The following ATP10B variants were observed in gnomAD, a reference collection of about 807,000 sequenced individuals.
ATP10B encodes ATPase phospholipid transporting 10B (putative).
ATP10B carries 122 observed loss-of-function variants against 141.2 expected under a neutral mutation model. The ratio of observed to expected loss-of-function variants is 0.86; its 90% confidence interval spans 0.75 to 1.00. The LOEUF (loss-of-function observed/expected upper bound fraction) is 1.00, where lower values mean the gene tolerates loss of function less well. Ranked by LOEUF, ATP10B falls within the 50% of genes least tolerant of loss-of-function variation. The pLI, the probability that ATP10B is intolerant of heterozygous loss-of-function variation, is 0.00. For synonymous variants in ATP10B, 685 were observed against 692.0 expected (o/e 0.99, Z 0.16); for missense variants, 1,876 against 1,825.3 (o/e 1.03, Z -0.51).
chr5:160,568,044 G>C (rs1223664829), intron 25 of ATP10B, among the ~76,000 whole-genome samples: 1 of 152,186 alleles, frequency 6.6e-6, no homozygotes, highest in East Asian at 1.9e-4. Flanking sequence ...CCTGGGGCCT[G>C]CCTTTGTCCC....
chr5:160,766,282 T>C (rs953097244), intron 2 of ATP10B, among the ~76,000 whole-genome samples: 10 of 16,940 alleles, frequency 5.9e-4, no homozygotes, highest in African/African-American at 3.6e-3. Context: ...CAATTTGCAA[T>C]TGCAAAAATA....
At chr5:160,655,738 C>A (rs1761449102) in intron 7 of ATP10B, among the ~76,000 whole-genome samples, 1 of 152,172 alleles carries the variant, frequency 6.6e-6, no homozygotes, top group South Asian at 2.1e-4. Flanking sequence ...CCACATTGGG[C>A]CAGTCTAGTC....
chr5:160,684,027 AT>A (rs1419465779), intron 6 of ATP10B, among the ~76,000 whole-genome samples: 1 of 152,218 alleles, frequency 6.6e-6, no homozygotes, highest in Non-Finnish European at 1.5e-5. Flanking sequence ...CTAGAGTTTA[AT>A]TCTTCAGATT....
chr5:160,818,780 A>G (rs113798797), intron 1 of ATP10B, among the ~76,000 whole-genome samples: 4,380 of 152,346 alleles, frequency 0.029, 180 homozygotes, highest in East Asian at 0.17. Flanking sequence ...CTGGATTAAG[A>G]AAATGTGGCA....
At chr5:160,765,056 C>T (rs11953919) in intron 2 of ATP10B, among the ~76,000 whole-genome samples, 39,007 of 152,036 alleles carry the variant, frequency 0.26, 6,002 homozygotes, top group East Asian at 0.42. Context: ...CAAAACACTG[C>T]TGAAAGAAAT....
At chr5:160,778,159 G>A (rs913115639) in intron 2 of ATP10B, among the ~76,000 whole-genome samples, 12 of 152,118 alleles carry the variant, frequency 7.9e-5, no homozygotes, top group Admixed American at 2.0e-4. Flanking sequence ...CCATGTCCAC[G>A]TATTATCTAA....
chr5:160,584,549 A>AT (rs1186200322), intron 24 of ATP10B, among the ~76,000 whole-genome samples: 2 of 151,894 alleles, frequency 1.3e-5, no homozygotes, highest in South Asian at 2.1e-4. Flanking sequence ...AGTTTTCTAG[A>AT]TTTTTTTCTT....
At chr5:160,732,174 G>A (rs1056605905) in intron 2 of ATP10B, among the ~76,000 whole-genome samples, 2 of 152,086 alleles carry the variant, frequency 1.3e-5, no homozygotes, top group African/African-American at 4.8e-5. Flanking sequence ...TCAGCGAGAT[G>A]GGGAAAAATG....
intron 20 of ATP10B, 26 bp from the exon 21 acceptor site, chr5:160,602,728 G>C: frequency 6.2e-7 from 1 of 1,613,026 alleles, no homozygotes; most frequent in Non-Finnish European, 8.5e-7. Context: ...AGACACATCA[G>C]CTTCCATCCA....
At chr5:160,807,935 C>T (rs1262904738) in intron 1 of ATP10B, among the ~76,000 whole-genome samples, 1 of 152,132 alleles carries the variant, frequency 6.6e-6, no homozygotes, top group Non-Finnish European at 1.5e-5. Context: ...CCTTTTTGTA[C>T]CTGCCTTTAA....
At chr5:160,879,820 A>G in the ATP10B span, among the ~76,000 whole-genome samples, 2 of 152,212 alleles carry the variant, frequency 1.3e-5, no homozygotes, top group Non-Finnish European at 2.9e-5. Context: ...CCTGGGCGAC[A>G]GAGCAAGACT....
chr5:160,888,143 C>G, the ATP10B span, among the ~76,000 whole-genome samples: 1 of 152,246 alleles, frequency 6.6e-6, no homozygotes, highest in Admixed American at 6.5e-5. Context: ...AAAGTGTAGA[C>G]TGGCCTCTGT....
intron 3 of ATP10B, among the ~76,000 whole-genome samples, chr5:160,695,793 T>C (rs1764323462): frequency 6.6e-6 from 1 of 152,144 alleles, no homozygotes; most frequent in South Asian, 2.1e-4. Flanking sequence ...AACCCTGATA[T>C]TAGAATGAAT....
In ATP10B at chr5:160,612,760, G is replaced by T. The variant is rs200041757; in HGVS notation, c.2819C>A (p.Thr940Asn). 256 of 1,613,714 alleles carry T rather than the reference G, an allele frequency of 1.6e-4. 3 individuals are homozygous for T. The African/African-American group carries it at 3.3e-3, about 21-fold the overall frequency. ...RLLNQTDTVY[T>N]INTENQETCE... ...CCTCACCTGATTCTCTGTATTGATGGTATAAACAGTGTCGGTCTGATTTAA... is the reference window on the plus strand; with the variant it reads ...CCTCACCTGATTCTCTGTATTGATGTTATAAACAGTGTCGGTCTGATTTAA... The change falls in exon 18 of 26, where the codon ACC (threonine) becomes AAC (asparagine). Residue 940 changes from threonine (T) to asparagine (N), a missense_variant. By Grantham distance (65) the Thr-to-Asn change is moderately conservative (BLOSUM62 0). Transcript: ENST00000327245.
At chr5:160,593,308 G>T (rs977031288) in intron 22 of ATP10B, among the ~76,000 whole-genome samples, 3 of 152,124 alleles carry the variant, frequency 2.0e-5, no homozygotes, top group Admixed American at 2.0e-4. Flanking sequence ...AGGCAAACAG[G>T]GTCTGGATTG....
the ATP10B span, among the ~76,000 whole-genome samples, chr5:160,892,153 C>T: frequency 6.6e-6 from 1 of 152,136 alleles, no homozygotes; most frequent in Admixed American, 6.6e-5. Flanking sequence ...GTGATTAAAC[C>T]TTCCTATGGC....
chr5:160,568,263 C>T (rs1391951652), intron 25 of ATP10B, among the ~76,000 whole-genome samples: 2 of 151,844 alleles, frequency 1.3e-5, no homozygotes, highest in Admixed American at 6.6e-5. Flanking sequence ...GGTGAAGAGT[C>T]GTCTGCTAAA....
At chr5:160,697,811 A>G (rs1472543408) in intron 3 of ATP10B, among the ~76,000 whole-genome samples, 2 of 152,208 alleles carry the variant, frequency 1.3e-5, no homozygotes, top group Admixed American at 6.5e-5. Context: ...CCATAACTCA[A>G]GCATCTTCAG....
In ATP10B at chr5:160,750,812, C is replaced by T. The variant is rs957784425; in HGVS notation, c.-330-33778G>A. Among the ~76,000 whole-genome samples, 3 of 152,236 alleles carry T rather than the reference C, an allele frequency of 2.0e-5. No individual in the cohort carries two copies. In the East Asian group the frequency reaches 5.8e-4, roughly 29 times the overall value. ...TTGCCCTAAGCCCTCTCAAGCTCCA[C>T]TCCAGCCGGAAGGAACTTCCAGAAG... On this transcript the variant is annotated intron_variant, in intron 2 of 25. Transcript: ENST00000327245.
Sources: allele counts gnomAD v4.1 joint callset (sites outside exome capture counted in the v4.1 genomes callset), GRCh38; gene constraint gnomAD v4.1.1; transcripts MANE v1.5; gene names NCBI Gene and HGNC (gene_info 2026-07-23, HGNC 2026-07-21).